SENP7: variants seen among roughly 807,000 people sequenced by gnomAD.
SENP7 encodes the protein SUMO specific peptidase 7, also known as sentrin-specific protease 7.
Under a neutral mutation model 141.2 loss-of-function variants are expected in SENP7, and 64 were observed. The ratio of observed to expected loss-of-function variants is 0.45; its 90% CI spans 0.37 to 0.56. SENP7 has a LOEUF of 0.56. SENP7 is among the 20% of genes least tolerant of loss of function. SENP7 has a pLI of 0.00. For missense variants in SENP7, 1,025 were observed against 1,212.2 expected (o/e 0.85, Z 2.29); for synonymous variants, 382 against 426.4 (o/e 0.90, Z 1.28).
chr3:101,456,786 ATTTTAC>A (rs2063364719), intron 4 of SENP7, among the ~76,000 whole-genome samples: 1 of 152,074 alleles, frequency 6.6e-6, no homozygotes, highest in South Asian at 2.1e-4. Context: ...TATTTTTTAA[ATTTTAC>A]TTTTATTAGT....
At chr3:101,378,826 A>G (rs186065787) in intron 6 of SENP7, among the ~76,000 whole-genome samples, 1 of 152,314 alleles carries the variant, frequency 6.6e-6, no homozygotes, top group African/African-American at 2.4e-5. Flanking sequence ...GCCCTTAACT[A>G]TAGAAAAACA....
At chr3:101,376,599 A>G (rs2060336450) in intron 6 of SENP7, among the ~76,000 whole-genome samples, 1 of 151,752 alleles carries the variant, frequency 6.6e-6, no homozygotes, top group Non-Finnish European at 1.5e-5. Context: ...ACACATGGAC[A>G]CAGGAAGGGG....
intron 3 of SENP7, among the ~76,000 whole-genome samples, chr3:101,459,842 A>G (rs1309374259): frequency 6.6e-6 from 1 of 152,216 alleles, no homozygotes; most frequent in Non-Finnish European, 1.5e-5. Flanking sequence ...GAAAACTTGC[A>G]GGATATAAGA....
intron 5 of SENP7, among the ~76,000 whole-genome samples, chr3:101,416,856 T>C (rs1192048794): frequency 1.3e-5 from 2 of 152,154 alleles, no homozygotes; most frequent in East Asian, 3.9e-4. Flanking sequence ...ATAACCAAAG[T>C]ACTGTCTCGC....
intron 3 of SENP7, among the ~76,000 whole-genome samples, chr3:101,462,746 T>C (rs1220701637): frequency 6.6e-6 from 1 of 151,718 alleles, no homozygotes; most frequent in East Asian, 1.9e-4. Flanking sequence ...TGCATGCCTG[T>C]AGTCCCAGCT....
At chr3:101,441,695 C>A (rs1383554976) in intron 4 of SENP7, among the ~76,000 whole-genome samples, 3 of 152,092 alleles carry the variant, frequency 2.0e-5, no homozygotes, top group Admixed American at 1.3e-4. Context: ...TGGACCCTAA[C>A]CACCACCCTA....
intron 5 of SENP7, among the ~76,000 whole-genome samples, chr3:101,402,546 TG>T (rs2061177224): frequency 7.5e-6 from 1 of 134,038 alleles, no homozygotes. Context: ...CGCTTGAACC[TG>T]GGAGGCGGAG....
At position 101,423,000 on chromosome 3, in the gene SENP7, G is replaced by C. The variant is rs1300759701; in HGVS notation, c.285-5210C>G. 2.0e-5 allele frequency among the ~76,000 whole-genome samples: 3 copies of C among 152,124 alleles called. No individual in the cohort carries two copies. In the Middle Eastern group the frequency reaches 0.01, roughly 517 times the overall value. ...AAAAAAGAATTCTCCCTCAGACTTG[G>C]AGTCCTACATTTTGATTCCGGAAAA... On this transcript the variant is annotated intron_variant, in intron 4 of 23. Coordinates refer to ENST00000394095, the MANE Select transcript of SENP7 (RefSeq NM_020654.5).
chr3:101,462,608 C>T (rs1488666530), intron 3 of SENP7, among the ~76,000 whole-genome samples: 3 of 151,646 alleles, frequency 2.0e-5, no homozygotes, highest in African/African-American at 7.3e-5. Context: ...TGGCTCACAT[C>T]TGTAATCCCA....
At chr3:101,337,795 C>T (rs2059225418) in intron 16 of SENP7, among the ~76,000 whole-genome samples, 164 bp from the exon 17 acceptor site, 1 of 152,148 alleles carries the variant, frequency 6.6e-6, no homozygotes, top group Non-Finnish European at 1.5e-5. Context: ...AGTTACCTAG[C>T]CTTCCATCAT....
intron 9 of SENP7, among the ~76,000 whole-genome samples, chr3:101,365,235 T>TCAGGTGATC (rs1219569774): frequency 1.3e-5 from 2 of 151,296 alleles, no homozygotes; most frequent in Non-Finnish European, 2.9e-5. Context: ...ACTCCTGACC[T>TCAGGTGATC]CAGGTGATCC....
At chr3:101,472,217 G>A (rs1017603228) in intron 3 of SENP7, among the ~76,000 whole-genome samples, 8 of 152,180 alleles carry the variant, frequency 5.3e-5, no homozygotes, top group Non-Finnish European at 1.0e-4. Flanking sequence ...GTTTATTGCA[G>A]CACTATCCAC....
chr3:101,388,015 C>T (rs904277692), intron 6 of SENP7, among the ~76,000 whole-genome samples: 3 of 152,194 alleles, frequency 2.0e-5, no homozygotes, highest in Non-Finnish European at 4.4e-5. Context: ...CCTGGAAGTT[C>T]GGGGACTGGC....
intron 4 of SENP7, among the ~76,000 whole-genome samples, chr3:101,419,740 G>A (rs1252708905): frequency 1.4e-4 from 21 of 152,120 alleles, no homozygotes; most frequent in Admixed American, 1.4e-3. Flanking sequence ...AGACACAGAA[G>A]GCAGGATAAT....
rs1239664271 is a variant in SENP7, at chr3:101,332,075, A to C, written c.2608T>G (p.Trp870Gly). The change falls in exon 19 of 24, where the codon TGG becomes GGG. Residue 870 changes from tryptophan to glycine, a missense_variant. This residue lies in a region of SENP7 where 295 missense variants were observed against 459.1 expected (regional missense o/e 0.64). Coordinates refer to ENST00000394095, the MANE Select transcript of SENP7 (RefSeq NM_020654.5). Reference sequence around the variant, plus strand: ...TCTTCATACACAGCTTCTTCTAACCATGGAAAACAAATGACTGCGAGATAC... The same window carrying C: ...TCTTCATACACAGCTTCTTCTAACCCTGGAAAACAAATGACTGCGAGATAC... ...HWYLAVICFP[W>G]LEEAVYEDFP... 1 of 1,613,470 alleles carries C rather than the reference A, an allele frequency of 6.2e-7. No individual in the cohort carries two copies. The highest frequency in any genetic ancestry group is 1.3e-5 in the African/African-American group (1 of 75,012).
At chr3:101,363,022 T>G (rs750341397) in intron 10 of SENP7, 2 of 178,370 alleles carry the variant, frequency 1.1e-5, no homozygotes, top group African/African-American at 4.8e-5. Context: ...AAAGCAGTTA[T>G]TATGCATATG....
chr3:101,465,229 A>G lies in SENP7; in HGVS notation c.187-6177T>C, dbSNP rs60351260. On this transcript the variant is annotated intron_variant, in intron 3 of 23. Transcript: ENST00000394095. ...CCTCCAGAGGCCTAGGGATCAATCC[A>G]CCCCCCTCACCCCCGCCACTGGCTC... is the stretch of plus-strand genomic sequence containing the variant. Among the ~76,000 whole-genome samples the G allele has an allele frequency of 4.7e-5, 7 of 150,374 alleles. No homozygotes were observed. In the South Asian group the frequency reaches 1.5e-3, roughly 32 times the overall value.
rs1189531541 is a variant in SENP7, at chr3:101,493,897, T to C, written c.162A>G (p.Ser54=). Residue 54 remains serine, a synonymous_variant, in exon 3 of 24, where the codon TCA becomes TCG. Transcript: ENST00000394095. The part of the protein sequence containing the change: ...VQSPLSKFRS[S]ERWTLPLQWE... Reference sequence around the variant, plus strand: ...CCTGCAAAGGGAGAGTCCAGCGTTCTGAGCTTCTGAATTTGGACAGTGGTG... The same window carrying C: ...CCTGCAAAGGGAGAGTCCAGCGTTCCGAGCTTCTGAATTTGGACAGTGGTG... The C allele has an allele frequency of 1.2e-6, 2 of 1,602,554 alleles. No homozygotes were observed. The highest frequency in any genetic ancestry group is 1.7e-6 in the Non-Finnish European group (2 of 1,170,758).
At chr3:101,481,345 C>A (rs533265254) in intron 3 of SENP7, among the ~76,000 whole-genome samples, 4 of 152,028 alleles carry the variant, frequency 2.6e-5, no homozygotes, top group Admixed American at 2.6e-4. Flanking sequence ...GAAACATGGA[C>A]GCAACTGAAG....
Sources: gnomAD v4.1 joint callset for allele counts (sites outside exome capture counted in the v4.1 genomes callset) on GRCh38, gnomAD v4.1.1 for gene constraint, gnomAD v4.1.1 regional missense constraint, MANE v1.5 for transcripts, NCBI Gene and HGNC (gene_info 2026-07-23, HGNC 2026-07-21) for gene names.